KIF27: variants seen among roughly 807,000 people sequenced by gnomAD.
The protein encoded by KIF27 is kinesin-like protein KIF27.
In KIF27, 84 loss-of-function variants were observed where a neutral mutation model predicts 141.8. The observed-to-expected ratio is 0.59, with a 90% CI of 0.50 to 0.71. KIF27 has a LOEUF of 0.71. Ranked by LOEUF, KIF27 falls within the 30% of genes least tolerant of loss-of-function variation. The pLI is 0.00. For synonymous variants in KIF27, 471 were observed against 569.5 expected, an observed-to-expected ratio of 0.83 and a Z score of 2.46; for missense variants, 1,306 against 1,628.4, an observed-to-expected ratio of 0.80 and a Z score of 3.41.
intron 3 of KIF27, among the ~76,000 whole-genome samples, chr9:83,908,038 C>T (rs1407568671): frequency 6.6e-6 from 1 of 152,080 alleles, no homozygotes; most frequent in Non-Finnish European, 1.5e-5. Flanking sequence ...CTGAGGCAGG[C>T]GGATCACGAG....
At chr9:83,842,159 G>C in intron 17 of KIF27, 78 bp downstream of exon 17, 4 of 1,395,628 alleles carry the variant, frequency 2.9e-6, no homozygotes, top group Non-Finnish European at 3.8e-6. Flanking sequence ...AATTGGTAAA[G>C]GCTACACTAC....
chr9:83,869,933 A>C (rs1255249662), intron 12 of KIF27, among the ~76,000 whole-genome samples: 2 of 152,216 alleles, frequency 1.3e-5, no homozygotes, highest in Non-Finnish European at 2.9e-5. Context: ...AAGTTTCACT[A>C]CTTGGGCAAC....
intron 13 of KIF27, 141 bp from the exon 14 acceptor site, chr9:83,859,512 T>G: frequency 1.6e-6 from 1 of 625,520 alleles, no homozygotes; most frequent in Admixed American, 3.0e-5. Flanking sequence ...ATGGATTTTT[T>G]TGAGGGAGGG....
In KIF27 at chr9:83,917,183, C is replaced by A. The variant is rs116368423; in HGVS notation, c.-87-1505G>T. Among the ~76,000 whole-genome samples, 114 of 151,026 alleles carry A rather than the reference C, an allele frequency of 7.5e-4. 1 individual carries two copies. The highest frequency in any genetic ancestry group is 2.7e-3 in the African/African-American group (112 of 41,124). On this transcript the variant is annotated intron_variant, in intron 1 of 17. Coordinates refer to ENST00000297814, the MANE Select transcript of KIF27 (RefSeq NM_017576.4). ...ATGTGTGATGTTCCCCTTCCTGTGGCAGAACACTCTTAAAAATAAATGTAA... is the reference window on the plus strand; with the variant it reads ...ATGTGTGATGTTCCCCTTCCTGTGGAAGAACACTCTTAAAAATAAATGTAA...
intron 1 of KIF27, among the ~76,000 whole-genome samples, chr9:83,920,829 G>A (rs1444186625): frequency 1.3e-5 from 2 of 151,840 alleles, no homozygotes; most frequent in Non-Finnish European, 2.9e-5. Context: ...CAACCTCTAC[G>A]GTAGGAAATG....
chr9:83,851,017 T>G (rs1383195189), intron 15 of KIF27, among the ~76,000 whole-genome samples: 1 of 150,850 alleles, frequency 6.6e-6, no homozygotes, highest in Admixed American at 6.6e-5. Context: ...TTTTGTATTT[T>G]AGTACAGATG....
chr9:83,886,141 A>T (rs1369554332), intron 9 of KIF27, among the ~76,000 whole-genome samples: 3 of 152,098 alleles, frequency 2.0e-5, no homozygotes, highest in Non-Finnish European at 4.4e-5. Flanking sequence ...TCTTAGGAGT[A>T]TCTAGGAGCT....
intron 10 of KIF27, among the ~76,000 whole-genome samples, chr9:83,881,188 A>C (rs1951648410): frequency 6.6e-6 from 1 of 152,032 alleles, no homozygotes; most frequent in Non-Finnish European, 1.5e-5. Context: ...CTTCTCATCT[A>C]ACTAAAATTA....
rs141948172 is a variant in KIF27 at position 83,913,735 on chromosome 9, T to A, written c.298+1559A>T. Among the ~76,000 whole-genome samples, 680 of 152,280 alleles carry A rather than the reference T, an allele frequency of 4.5e-3. 17 individuals carry two copies. Among genetic ancestry groups the A allele is most frequent in the East Asian group, 0.041 (212 of 5,184 alleles). Reference sequence around the variant, plus strand: ...TACAGGCGTGAGCCACCACGCCTGGTCTGAAATGATATTTTACATTGTTAA... The same window carrying A: ...TACAGGCGTGAGCCACCACGCCTGGACTGAAATGATATTTTACATTGTTAA... On this transcript the variant is annotated intron_variant, in intron 2 of 17. Transcript: ENST00000297814.
At chr9:83,870,702 ATTTTC>A in intron 11 of KIF27, 70 bp from the exon 12 acceptor site, 1 of 1,215,540 alleles carries the variant, frequency 8.2e-7, no homozygotes, top group Non-Finnish European at 1.0e-6. Flanking sequence ...GATGACAATT[ATTTTC>A]TTTTTTTTTT....
chr9:83,876,107 AATT>A (rs1476940992), intron 11 of KIF27, among the ~76,000 whole-genome samples: 2 of 152,144 alleles, frequency 1.3e-5, no homozygotes, highest in Non-Finnish European at 2.9e-5. Context: ...CTATTGCTAT[AATT>A]ATTATTACCA....
At chr9:83,920,904 C>A (rs1040438011) in intron 1 of KIF27, among the ~76,000 whole-genome samples, 1 of 80,504 alleles carries the variant, frequency 1.2e-5, no homozygotes, top group Non-Finnish European at 2.9e-5. Flanking sequence ...GTGGGAAATG[C>A]GCCCAAGTTT....
intron 12 of KIF27, chr9:83,868,210 T>C (rs1950521327): frequency 1.2e-5 from 2 of 164,792 alleles, no homozygotes; most frequent in Non-Finnish European, 2.6e-5. Flanking sequence ...GCACTTACAC[T>C]GGTGGCTGCC....
Position 83,835,725 on chromosome 9 carries a change from C to G in KIF27, c.*1276G>C, listed in dbSNP as rs1254735173. 1 of 152,028 alleles carries G rather than the reference C, an allele frequency of 6.6e-6. No individual in the cohort carries two copies. Among genetic ancestry groups the G allele is most frequent in the Non-Finnish European group, 1.5e-5 (1 of 68,012 alleles). 9.4% of individuals were successfully genotyped at this position (152,028 alleles called of 1,614,324 possible). ...GAAAAGGTCTGTAGCAGCACTACATCAGAAAAAAATGGATTCAGCAAGGAA... is the reference window on the plus strand; with the variant it reads ...GAAAAGGTCTGTAGCAGCACTACATGAGAAAAAAATGGATTCAGCAAGGAA... On this transcript the variant is annotated 3_prime_UTR_variant, in exon 18 of 18. Coordinates refer to ENST00000297814, the MANE Select transcript of KIF27 (RefSeq NM_017576.4).
At chr9:83,909,294 T>C (rs1954900308) in intron 2 of KIF27, among the ~76,000 whole-genome samples, 1 of 152,110 alleles carries the variant, frequency 6.6e-6, no homozygotes, top group South Asian at 2.1e-4. Flanking sequence ...GTGGGCATCA[T>C]TCAGAAGGTG....
chr9:83,883,870 C>T lies in KIF27; in HGVS notation c.2388G>A (p.Lys796=), dbSNP rs1266659255. ...TACGAAACTCTTTCTGTAATTTTAC[C>T]TTCATTGCAACATCAGAAAGATCTT... is the stretch of plus-strand genomic sequence containing the variant. ...ENKDLSDVAM[K]VKLQKEFRKK... Residue 796 remains lysine (K), a synonymous_variant, in exon 10 of 18, where the codon AAG becomes AAA. Transcript: ENST00000297814. 1 of 1,613,186 alleles carries T rather than the reference C, an allele frequency of 6.2e-7. No homozygotes were observed. The highest frequency in any genetic ancestry group is 1.1e-5 in the South Asian group (1 of 91,064).
Position 83,904,032 on chromosome 9 carries a change from T to C in KIF27, c.500-14A>G, listed in dbSNP as rs1954225170. 2 of 1,561,264 alleles carry C rather than the reference T, an allele frequency of 1.3e-6. No individual in the cohort carries two copies. Among genetic ancestry groups the C allele is most frequent in the African/African-American group, 1.4e-5 (1 of 73,066 alleles). On this transcript the variant is annotated splice_polypyrimidine_tract_variant and intron_variant, in intron 3 of 17. Coordinates refer to ENST00000297814, the MANE Select transcript of KIF27 (RefSeq NM_017576.4). ...CCCCAACAATCACTTAAAATAGTAA[T>C]AACATGTTTTTAAGCCAAGTTTTCA... is the stretch of plus-strand genomic sequence containing the variant.
intron 5 of KIF27, among the ~76,000 whole-genome samples, chr9:83,895,960 G>A (rs1953182213): frequency 1.3e-5 from 2 of 148,616 alleles, no homozygotes; most frequent in South Asian, 2.1e-4. Context: ...GTGGAGGCAG[G>A]AGAAGCACTT....
At chr9:83,873,563 ACACC>A (rs1950966702) in intron 11 of KIF27, among the ~76,000 whole-genome samples, 2 of 152,180 alleles carry the variant, frequency 1.3e-5, no homozygotes, top group Admixed American at 1.3e-4. Context: ...GAAAAATGTT[ACACC>A]CATCTGAGTT....
Sources: allele counts gnomAD v4.1 joint callset (sites outside exome capture counted in the v4.1 genomes callset), GRCh38; gene constraint gnomAD v4.1.1; transcripts MANE v1.5; gene names NCBI Gene and HGNC (gene_info 2026-07-23, HGNC 2026-07-21).